The following MYO16 variants were observed in gnomAD, a reference collection of about 807,000 sequenced individuals.
MYO16 encodes the protein myosin XVI, also known as unconventional myosin-XVI.
A neutral mutation model predicts 205.3 loss-of-function variants in MYO16; 94 were observed. The ratio of observed to expected loss-of-function variants is 0.46; its 90% CI spans 0.39 to 0.54. The LOEUF is 0.54. MYO16 is among the 20% of genes least tolerant of loss of function. The pLI is 0.00. For synonymous variants in MYO16, 988 were observed against 954.0 expected, an observed-to-expected ratio of 1.04 and a Z score of -0.66; for missense variants, 2,315 against 2,387.5, an observed-to-expected ratio of 0.97 and a Z score of 0.63.
At chr13:108,990,153 C>G (rs1289190388) in intron 20 of MYO16, among the ~76,000 whole-genome samples, 1 of 77,980 alleles carries the variant, frequency 1.3e-5, no homozygotes, top group African/African-American at 4.5e-5. Flanking sequence ...ACAATACACA[C>G]ACACACACAC....
intron 4 of MYO16, among the ~76,000 whole-genome samples, chr13:108,755,372 C>G (rs1885388773): frequency 6.6e-6 from 1 of 152,078 alleles, no homozygotes; most frequent in African/African-American, 2.4e-5. Flanking sequence ...TAGTGCAAAT[C>G]ATTCTACAAC....
Position 108,793,516 on chromosome 13 carries a change from G to C in MYO16, c.617G>C (p.Gly206Ala), listed in dbSNP as rs1387448347. ...SILLTYLDEN[G>A]VDLTSLRQMK... ...GTTGAAAGGCTCTTTCTCCCCACAG[G>C]AGTGGATTTGACCTCACTGCGCCAG... The change falls in exon 6 of 35, where the codon GGA becomes GCA. Residue 206 changes from glycine (G) to alanine (A), a missense_variant and splice_region_variant. Physicochemically the swap from Gly to Ala is moderately conservative, Grantham distance 60. Transcript: ENST00000457511. The C allele has an allele frequency of 6.2e-7, 1 of 1,613,510 alleles. No individual in the cohort carries two copies. Among genetic ancestry groups the C allele is most frequent in the East Asian group, 2.2e-5 (1 of 44,850 alleles).
At chr13:108,956,972 C>T (rs1412375909) in intron 16 of MYO16, among the ~76,000 whole-genome samples, 1 of 152,070 alleles carries the variant, frequency 6.6e-6, no homozygotes, top group Non-Finnish European at 1.5e-5. Context: ...GCATAATCAA[C>T]CATCTCATTA....
chr13:109,161,391 T>C (rs1006144383), intron 32 of MYO16, among the ~76,000 whole-genome samples: 18 of 152,232 alleles, frequency 1.2e-4, no homozygotes, highest in African/African-American at 4.3e-4. Flanking sequence ...GGCCTCAGTC[T>C]GAATCTGGCT....
chr13:109,159,295 A>G (rs1430484993), intron 32 of MYO16, among the ~76,000 whole-genome samples: 1 of 152,220 alleles, frequency 6.6e-6, no homozygotes, highest in Non-Finnish European at 1.5e-5. Flanking sequence ...TTAACACTGA[A>G]AGTGCTTCCG....
At chr13:108,938,081 AATTATTATT>A (rs911649279) in intron 16 of MYO16, among the ~76,000 whole-genome samples, 6 of 151,086 alleles carry the variant, frequency 4.0e-5, no homozygotes, top group African/African-American at 1.5e-4. Flanking sequence ...TGTTGTTGTT[AATTATTATT>A]ATTATTATTG....
intron 23 of MYO16, among the ~76,000 whole-genome samples, chr13:109,025,241 C>T (rs2139539266): frequency 6.6e-6 from 1 of 152,300 alleles, no homozygotes; most frequent in Middle Eastern, 3.4e-3. Context: ...CATCCAGCCC[C>T]ACCTGGAGGG....
chr13:108,670,661 C>A (rs1251153361), intron 2 of MYO16, among the ~76,000 whole-genome samples: 1 of 152,150 alleles, frequency 6.6e-6, no homozygotes, highest in Non-Finnish European at 1.5e-5. Flanking sequence ...AAAGAAGGAT[C>A]AAATGTGATT....
At chr13:108,519,960 C>T in the MYO16 span, among the ~76,000 whole-genome samples, 8 of 152,150 alleles carry the variant, frequency 5.3e-5, no homozygotes, top group East Asian at 3.9e-4. Flanking sequence ...CTAGAGGAAG[C>T]GTATTTTTTG....
At chr13:108,530,393 G>C in the MYO16 span, among the ~76,000 whole-genome samples, 158 of 152,346 alleles carry the variant, frequency 1.0e-3, no homozygotes, top group Non-Finnish European at 1.8e-3. Flanking sequence ...TGTTTGGTGT[G>C]ACAGGATAAC....
intron 5 of MYO16, 139 bp from the exon 6 acceptor site, chr13:108,793,377 T>C: frequency 1.5e-6 from 1 of 677,598 alleles, no homozygotes; most frequent in East Asian, 2.6e-5. Context: ...GATAATCAAT[T>C]CTTTGAATGA....
intron 23 of MYO16, among the ~76,000 whole-genome samples, chr13:109,030,186 G>T (rs760348224): frequency 6.8e-6 from 1 of 146,412 alleles, no homozygotes; most frequent in African/African-American, 2.5e-5. Context: ...AAAAACTAGC[G>T]GATAGAATCA....
chr13:108,865,368 C>A (rs1356427332), intron 11 of MYO16, among the ~76,000 whole-genome samples: 2 of 151,972 alleles, frequency 1.3e-5, no homozygotes, highest in African/African-American at 4.8e-5. Flanking sequence ...AATGTTGTTT[C>A]TTCCTGATTG....
intron 23 of MYO16, chr13:109,028,370 G>A (rs1333927292): frequency 1.4e-5 from 4 of 294,378 alleles, no homozygotes; most frequent in Admixed American, 4.2e-5. Context: ...AAAACAAAAT[G>A]TTTTAGTTTA....
At chr13:108,816,478 G>T (rs916063437) in intron 7 of MYO16, among the ~76,000 whole-genome samples, 2 of 151,978 alleles carry the variant, frequency 1.3e-5, no homozygotes, top group African/African-American at 4.8e-5. Flanking sequence ...GGTCTGTGCA[G>T]CATTAACCAT....
intron 4 of MYO16, among the ~76,000 whole-genome samples, chr13:108,727,822 T>C (rs1594244578): frequency 6.6e-6 from 1 of 152,366 alleles, no homozygotes; most frequent in East Asian, 1.9e-4. Context: ...CCTTGGGAAT[T>C]ATATGCCTTG....
At chr13:109,103,200 C>T (rs1889024835) in intron 28 of MYO16, among the ~76,000 whole-genome samples, 1 of 152,144 alleles carries the variant, frequency 6.6e-6, no homozygotes, top group African/African-American at 2.4e-5. Context: ...GAAAGTTAGA[C>T]TCCTCAGTTT....
intron 1 of MYO16, among the ~76,000 whole-genome samples, chr13:108,615,592 C>T (rs1318834370): frequency 6.6e-6 from 1 of 152,050 alleles, no homozygotes; most frequent in Non-Finnish European, 1.5e-5. Flanking sequence ...ATGTGGTATA[C>T]CCATTGCAAT....
At position 108,603,513 on chromosome 13, in the gene MYO16, C is replaced by T. The variant is rs142778607; in HGVS notation, c.-39+7274C>T. 2.4e-3 allele frequency among the ~76,000 whole-genome samples: 366 copies of T among 152,016 alleles called. 2 individuals are homozygous for T. Among genetic ancestry groups the T allele is most frequent in the African/African-American group, 8.4e-3 (347 of 41,492 alleles). On this transcript the variant is annotated intron_variant, in intron 1 of 24. Transcript: ENST00000251041. The stretch of plus-strand genomic sequence containing the variant: ...TAATATTTATATTATCTAATGATAA[C>T]GTTTGATGTTTGGATAGTTCATTGT...
Sources: gnomAD v4.1 joint callset for allele counts (sites outside exome capture counted in the v4.1 genomes callset) on GRCh38, gnomAD v4.1.1 for gene constraint, MANE v1.5 for transcripts, NCBI Gene and HGNC (gene_info 2026-07-23, HGNC 2026-07-21) for gene names.